Variants in STXBP5L observed in about 807,000 individuals in gnomAD.
STXBP5L encodes the protein syntaxin binding protein 5L.
A neutral mutation model predicts 144.5 loss-of-function variants in STXBP5L; 65 were observed. That is an observed-to-expected ratio of 0.45 (90% CI 0.37 to 0.55). STXBP5L has a LOEUF of 0.55. Ranked by LOEUF, STXBP5L falls within the 20% of genes least tolerant of loss-of-function variation. The pLI is 0.00. For synonymous variants in STXBP5L, 505 were observed against 469.6 expected, an observed-to-expected ratio of 1.08 and a Z score of -0.97; for missense variants, 1,298 against 1,405.5, an observed-to-expected ratio of 0.92 and a Z score of 1.22.
At chr3:121,064,752 TAGAC>T (rs973390698) in intron 5 of STXBP5L, among the ~76,000 whole-genome samples, 7 of 152,230 alleles carry the variant, frequency 4.6e-5, no homozygotes, top group African/African-American at 1.4e-4. Context: ...ACTCTTATTT[TAGAC>T]AGAGAGGATG....
chr3:121,310,124 G>GA lies in STXBP5L; in HGVS notation c.2111-8346dup, dbSNP rs774799690. ...GGAACAACTGGGCAAACAAATAGGA[G>GA]AAAAATGAACTTTAATTCCTACTTC... On this transcript the variant is annotated intron_variant, in intron 19 of 26. Transcript: ENST00000471454. Among the ~76,000 whole-genome samples the GA allele has an allele frequency of 1.3e-3, 194 of 152,284 alleles. 2 individuals are homozygous for GA. Among genetic ancestry groups the GA allele is most frequent in the Middle Eastern group, 0.01 (3 of 294 alleles).
chr3:121,205,754 C>A (rs757310165), intron 9 of STXBP5L, among the ~76,000 whole-genome samples, 169 bp from the exon 10 acceptor site: 1 of 152,046 alleles, frequency 6.6e-6, no homozygotes, highest in Non-Finnish European at 1.5e-5. Context: ...AGATTGTTTA[C>A]AAATTCAACA....
At chr3:121,227,478 G>A (rs2049156870) in intron 11 of STXBP5L, among the ~76,000 whole-genome samples, 1 of 152,138 alleles carries the variant, frequency 6.6e-6, no homozygotes, top group African/African-American at 2.4e-5. Context: ...TACTCCAGAG[G>A]CTGAGGTAGG....
At chr3:121,021,746 C>T (rs565952159) in intron 3 of STXBP5L, among the ~76,000 whole-genome samples, 1 of 152,168 alleles carries the variant, frequency 6.6e-6, no homozygotes, top group East Asian at 1.9e-4. Flanking sequence ...TATCAAATCT[C>T]CTGGAATACA....
chr3:121,043,104 A>T (rs1947273026), intron 4 of STXBP5L, among the ~76,000 whole-genome samples: 2 of 151,962 alleles, frequency 1.3e-5, no homozygotes, highest in African/African-American at 4.8e-5. Context: ...ATAAATAAAG[A>T]CAAGCCTTCA....
At chr3:121,285,357 G>A (rs967997517) in intron 19 of STXBP5L, among the ~76,000 whole-genome samples, 4 of 152,014 alleles carry the variant, frequency 2.6e-5, no homozygotes, top group Admixed American at 6.6e-5. Context: ...AAAATTACTC[G>A]ATAGGCTTTT....
At chr3:121,052,295 A>C (rs1357402460) in intron 5 of STXBP5L, among the ~76,000 whole-genome samples, 2 of 152,170 alleles carry the variant, frequency 1.3e-5, no homozygotes. Flanking sequence ...ATAACCAAAA[A>C]AGAGAATTTA....
intron 22 of STXBP5L, among the ~76,000 whole-genome samples, chr3:121,405,562 C>T (rs2046977694): frequency 6.6e-6 from 1 of 152,058 alleles, no homozygotes; most frequent in African/African-American, 2.4e-5. Flanking sequence ...GTAAAGTACA[C>T]TCCTAGCCAG....
intron 7 of STXBP5L, among the ~76,000 whole-genome samples, chr3:121,147,205 C>T (rs1431221516): frequency 6.6e-6 from 1 of 151,904 alleles, no homozygotes; most frequent in Non-Finnish European, 1.5e-5. Context: ...TGTATATTTG[C>T]TGAACCAAAA....
At chr3:121,255,472 T>G (rs951110654) in intron 16 of STXBP5L, among the ~76,000 whole-genome samples, 2 of 152,030 alleles carry the variant, frequency 1.3e-5, no homozygotes, top group Admixed American at 1.3e-4. Context: ...ACATGATGTT[T>G]TGAACTATGT....
intron 2 of STXBP5L, among the ~76,000 whole-genome samples, chr3:120,929,790 G>A (rs1398127767): frequency 2.0e-5 from 3 of 151,948 alleles, no homozygotes; most frequent in African/African-American, 7.2e-5. Flanking sequence ...TACTAACTTA[G>A]TAAATGAAAA....
chr3:121,313,233 C>A (rs917963740), intron 19 of STXBP5L, among the ~76,000 whole-genome samples: 1 of 143,378 alleles, frequency 7.0e-6, no homozygotes, highest in African/African-American at 2.6e-5. Context: ...CCCCCACCTC[C>A]CTCCCGGACG....
At chr3:121,290,924 C>T (rs73183132) in intron 19 of STXBP5L, among the ~76,000 whole-genome samples, 5,433 of 152,170 alleles carry the variant, frequency 0.036, 147 homozygotes, top group Middle Eastern at 0.082. Flanking sequence ...CCATCTATGA[C>T]AGATGTACAG....
intron 20 of STXBP5L, among the ~76,000 whole-genome samples, chr3:121,369,253 C>G (rs1296574540): frequency 6.6e-6 from 1 of 152,082 alleles, no homozygotes; most frequent in Non-Finnish European, 1.5e-5. Context: ...TCCAGAGTTC[C>G]ACAGTAGTTC....
At chr3:121,057,929 A>G (rs1327543335) in intron 5 of STXBP5L, among the ~76,000 whole-genome samples, 8 of 151,970 alleles carry the variant, frequency 5.3e-5, no homozygotes, top group Non-Finnish European at 8.8e-5. Context: ...TCTCCCAAGT[A>G]GCATAACACC....
At chr3:121,158,915 T>C (rs982492976) in intron 9 of STXBP5L, 1 of 152,162 alleles carries the variant, frequency 6.6e-6, no homozygotes. Flanking sequence ...TGGATTGTTT[T>C]CTATTATTCT....
intron 2 of STXBP5L, among the ~76,000 whole-genome samples, chr3:120,938,282 A>G (rs559621571): frequency 1.3e-5 from 2 of 152,100 alleles, no homozygotes; most frequent in Non-Finnish European, 2.9e-5. Flanking sequence ...ATATATGGTT[A>G]AGTGGTTCAT....
intron 9 of STXBP5L, among the ~76,000 whole-genome samples, chr3:121,172,589 A>G (rs1372311392): frequency 2.6e-5 from 4 of 152,276 alleles, no homozygotes; most frequent in Admixed American, 6.5e-5. Context: ...ACAGCTCATC[A>G]TCACTGGTCA....
At chr3:121,134,898 T>G (rs1259402988) in intron 7 of STXBP5L, among the ~76,000 whole-genome samples, 5 of 152,196 alleles carry the variant, frequency 3.3e-5, no homozygotes, top group Non-Finnish European at 4.4e-5. Flanking sequence ...CAGCATGATT[T>G]ATAATCCTTT....
Sources: gnomAD v4.1 joint callset for allele counts (sites outside exome capture counted in the v4.1 genomes callset) on GRCh38, gnomAD v4.1.1 for gene constraint, MANE v1.5 for transcripts, NCBI Gene and HGNC (gene_info 2026-07-23, HGNC 2026-07-21) for gene names.